PLEKHG5: variants seen among roughly 807,000 people sequenced by gnomAD.
PLEKHG5 encodes pleckstrin homology domain-containing family G member 5.
In PLEKHG5, 52 loss-of-function variants were observed where a neutral mutation model predicts 103.8. The ratio of observed to expected loss-of-function variants is 0.50; its 90% CI spans 0.40 to 0.63. The LOEUF (loss-of-function observed/expected upper bound fraction) is 0.63, where lower values mean the gene tolerates loss of function less well. PLEKHG5 is among the 30% of genes least tolerant of loss of function. The probability of loss-of-function intolerance (pLI) is 0.00; values close to 1 mark genes in which losing one functional copy is unlikely to be tolerated. For synonymous variants in PLEKHG5, 592 were observed against 575.5 expected, an observed-to-expected ratio of 1.03 and a Z score of -0.41; for missense variants, 1,205 against 1,347.6, an observed-to-expected ratio of 0.89 and a Z score of 1.66.
At position 6,467,371 on chromosome 1, in the gene PLEKHG5, C is replaced by T. The variant is rs886046495; in HGVS notation, c.*192G>A. 1.5e-5 allele frequency: 11 copies of T among 731,686 alleles called. No homozygotes were observed. Among genetic ancestry groups the T allele is most frequent in the Non-Finnish European group, 2.7e-5 (11 of 403,204 alleles). The allele number at this position is 731,686 out of a possible 1,614,324, so 45.3% of individuals were successfully genotyped here. ...GGCTGCCTGGGCAGGTGGGGTGGTACTGTGGCCTGGGCCTCCTCCACTCCA... is the reference window on the plus strand; with the variant it reads ...GGCTGCCTGGGCAGGTGGGGTGGTATTGTGGCCTGGGCCTCCTCCACTCCA... On this transcript the variant is annotated 3_prime_UTR_variant, in exon 21 of 21. Transcript: ENST00000377728.
intron 1 of PLEKHG5, among the ~76,000 whole-genome samples, chr1:6,517,370 G>C (rs192772558): frequency 8.6e-5 from 13 of 151,262 alleles, no homozygotes; most frequent in African/African-American, 3.2e-4. Context: ...ATTCTCTGCT[G>C]TTCATGGGGT....
chr1:6,472,656 C>T (rs971732643), intron 9 of PLEKHG5, 34 bp from the exon 10 acceptor site: 5 of 1,500,438 alleles, frequency 3.3e-6, no homozygotes, highest in Admixed American at 1.7e-5. Context: ...ATTCACGAGG[C>T]CTGGAGCACC....
At chr1:6,469,697 G>A (rs762758808) in intron 16 of PLEKHG5, 21 bp from the exon 17 acceptor site, 7 of 1,610,214 alleles carry the variant, frequency 4.3e-6, no homozygotes, top group African/African-American at 1.3e-5. Flanking sequence ...AGGAGGGGGG[G>A]TGGCCAGAGA....
intron 1 of PLEKHG5, among the ~76,000 whole-genome samples, chr1:6,508,253 T>A (rs1484984967): frequency 6.6e-6 from 1 of 152,160 alleles, no homozygotes; most frequent in Non-Finnish European, 1.5e-5. Flanking sequence ...CAGCCCTGGA[T>A]GCCAAGAGGA....
upstream of PLEKHG5, among the ~76,000 whole-genome samples, chr1:6,494,020 C>A (rs1170053044): frequency 6.6e-6 from 1 of 151,846 alleles, no homozygotes; most frequent in African/African-American, 2.4e-5. Flanking sequence ...GGCACAATCA[C>A]GGCTCACTGC....
intron 1 of PLEKHG5, among the ~76,000 whole-genome samples, chr1:6,512,615 C>T (rs997327407): frequency 1.3e-5 from 2 of 152,182 alleles, no homozygotes; most frequent in African/African-American, 4.8e-5. Flanking sequence ...TGGGGCGGGC[C>T]GACCACAAAC....
intron 1 of PLEKHG5, among the ~76,000 whole-genome samples, chr1:6,503,048 C>T (rs188207290): frequency 7.9e-5 from 12 of 152,290 alleles, no homozygotes; most frequent in Non-Finnish European, 1.5e-4. Context: ...CACACCTCAC[C>T]AGGATAAAGG....
chr1:6,474,329 C>T, intron 6 of PLEKHG5, 122 bp downstream of exon 6: 1 of 1,352,578 alleles, frequency 7.4e-7, no homozygotes, highest in South Asian at 1.2e-5. Context: ...AGCAGAGACA[C>T]CTGTATGGTA....
In PLEKHG5 at chr1:6,473,269, G is replaced by A. The variant is rs373244537; in HGVS notation, c.777C>T (p.Ser259=). 2.5e-6 allele frequency: 4 copies of A among 1,607,738 alleles called. No individual in the cohort carries two copies. The highest frequency in any genetic ancestry group is 1.3e-5 in the African/African-American group (1 of 74,832). ...RFSGFFSSGP[S]TSAFGREVDK... ...CACATACCCGGCCAAAGGCGCTGGT[G>A]CTGGGGCCGGAGCTGAAAAAGCCGC... Residue 259 remains serine (S), a synonymous_variant, in exon 8 of 21, where the codon AGC becomes AGT. Coordinates refer to ENST00000377728, the MANE Select transcript of PLEKHG5 (RefSeq NM_020631.6).
chr1:6,477,755 C>CG, intron 1 of PLEKHG5, 97 bp from the exon 2 acceptor site: 3 of 1,341,268 alleles, frequency 2.2e-6, no homozygotes, highest in South Asian at 2.4e-5. Context: ...AACTGCCCTC[C>CG]ATCTCTCGAT....
chr1:6,495,318 C>T (rs1046878661), upstream of PLEKHG5, among the ~76,000 whole-genome samples: 1 of 152,222 alleles, frequency 6.6e-6, no homozygotes, highest in Admixed American at 6.5e-5. Context: ...AACTGGAGGC[C>T]GCCCCCTCCC....
upstream of PLEKHG5, among the ~76,000 whole-genome samples, chr1:6,498,265 G>A (rs1204433125): frequency 2.0e-5 from 3 of 152,096 alleles, no homozygotes; most frequent in African/African-American, 4.8e-5. Flanking sequence ...CAGCAGGGCC[G>A]GGTCCCTCTC....
upstream of PLEKHG5, among the ~76,000 whole-genome samples, chr1:6,500,355 A>G (rs1645281880): frequency 6.6e-6 from 1 of 152,100 alleles, no homozygotes; most frequent in Non-Finnish European, 1.5e-5. Context: ...CAGCTTTGTG[A>G]GAGTGGGCAG....
intron 1 of PLEKHG5, among the ~76,000 whole-genome samples, chr1:6,480,403 G>A (rs1271744686): frequency 1.3e-5 from 2 of 151,698 alleles, no homozygotes; most frequent in Non-Finnish European, 2.9e-5. Context: ...GGCAGCGTAC[G>A]CCTGTAGTCC....
chr1:6,477,757 T>C, intron 1 of PLEKHG5, 99 bp from the exon 2 acceptor site: 1 of 1,295,454 alleles, frequency 7.7e-7, no homozygotes, highest in African/African-American at 2.3e-5. Flanking sequence ...CTGCCCTCCA[T>C]CTCTCGATCC....
chr1:6,494,118 ATTTTTTTTTTTT>A (rs36105555), upstream of PLEKHG5, among the ~76,000 whole-genome samples: 11 of 75,724 alleles, frequency 1.5e-4, no homozygotes, highest in African/African-American at 6.2e-4. Context: ...CACCTGGCTA[ATTTTTTTTTTTT>A]TTTTTTTTTT....
Position 6,487,302 on chromosome 1 carries a change from A to G in PLEKHG5, c.-88+4335T>C, listed in dbSNP as rs770178801. Among the ~76,000 whole-genome samples, 5 of 152,092 alleles carry G rather than the reference A, an allele frequency of 3.3e-5. No homozygotes were observed. The highest frequency in any genetic ancestry group is 4.8e-5 in the African/African-American group (2 of 41,384). On this transcript the variant is annotated intron_variant, in intron 1 of 20. Coordinates refer to ENST00000377728, the MANE Select transcript of PLEKHG5 (RefSeq NM_020631.6). This position sits in a 1 kb window ranked among gnomAD's most constrained non-coding sequence, Gnocchi z 4.1. ...AGCTACTTTTTGTATTTTAGTAGAGATGGGGTTTCGCCATGTTGACCAGGC... is the reference window on the plus strand; with the variant it reads ...AGCTACTTTTTGTATTTTAGTAGAGGTGGGGTTTCGCCATGTTGACCAGGC...
upstream of PLEKHG5, among the ~76,000 whole-genome samples, chr1:6,492,560 C>T (rs1645166250): frequency 6.6e-6 from 1 of 152,156 alleles, no homozygotes; most frequent in Non-Finnish European, 1.5e-5. Context: ...GGAGGGCACA[C>T]CCAAAGTCTA....
In PLEKHG5 at chr1:6,467,260, T is replaced by G; in HGVS notation, c.*303A>C. On this transcript the variant is annotated 3_prime_UTR_variant, in exon 21 of 21. Coordinates refer to ENST00000377728, the MANE Select transcript of PLEKHG5 (RefSeq NM_020631.6). ...AGGAGTGAATCCCACTGGAGGCCAG[T>G]GAGGGTAGAAGTAGGATGGGCAGCC... The G allele has an allele frequency of 1.8e-6, 1 of 545,626 alleles. No homozygotes were observed. The highest frequency in any genetic ancestry group is 1.9e-5 in the African/African-American group (1 of 52,780). The allele number at this position is 545,626 out of a possible 1,614,324, so 33.8% of individuals were successfully genotyped here.
Sources: gnomAD v4.1 joint callset for allele counts (sites outside exome capture counted in the v4.1 genomes callset) on GRCh38, gnomAD v4.1.1 for gene constraint, Gnocchi (gnomAD v3.1) non-coding constraint, MANE v1.5 for transcripts, NCBI Gene and HGNC (gene_info 2026-07-23, HGNC 2026-07-21) for gene names.